Variants in NPAS3 observed in about 807,000 individuals in gnomAD.
NPAS3 encodes the protein neuronal PAS domain protein 3.
A neutral mutation model predicts 73.1 loss-of-function variants in NPAS3; 14 were observed. The ratio of observed to expected loss-of-function variants is 0.19; its 90% CI spans 0.13 to 0.30. The LOEUF is 0.30. Among genes scored for constraint, NPAS3 ranks in the 10% least tolerant of loss-of-function variants. The pLI is 1.00. For missense variants in NPAS3, 1,096 were observed against 1,250.0 expected (o/e 0.88, Z 1.86); for synonymous variants, 620 against 541.5 (o/e 1.14, Z -2.01).
Position 33,414,783 on chromosome 14 carries a change from A to G in NPAS3, c.468+47515A>G, listed in dbSNP as rs541717356. Among the ~76,000 whole-genome samples, 178 of 152,252 alleles carry G rather than the reference A, an allele frequency of 1.2e-3. 1 individual carries two copies. The highest frequency in any genetic ancestry group is 2.1e-3 in the Non-Finnish European group (142 of 68,014). ...GGGGTTAGATCGCCTAGTGGTGGGT[A>G]GGGTGGTTTGATTCTGTCACCGTCC... On this transcript the variant is annotated intron_variant, in intron 4 of 11. Transcript: ENST00000356141.
At chr14:33,713,548 ATC>A (rs2060879533) in intron 6 of NPAS3, among the ~76,000 whole-genome samples, 2 of 152,234 alleles carry the variant, frequency 1.3e-5, no homozygotes, top group Admixed American at 6.5e-5. Context: ...GATGCTTGAC[ATC>A]TCTCTTCCTC....
At chr14:33,752,690 C>G (rs1272798366) in intron 7 of NPAS3, among the ~76,000 whole-genome samples, 1 of 152,184 alleles carries the variant, frequency 6.6e-6, no homozygotes, top group African/African-American at 2.4e-5. Flanking sequence ...ACTGGAGCAA[C>G]CGCAGTCTAA....
chr14:32,960,340 A>G (rs2036858163), intron 1 of NPAS3, among the ~76,000 whole-genome samples: 1 of 152,296 alleles, frequency 6.6e-6, no homozygotes, highest in South Asian at 2.1e-4. Context: ...GTATCCTTGA[A>G]CATTTCTTGG....
intron 3 of NPAS3, among the ~76,000 whole-genome samples, chr14:33,267,816 T>C (rs911603971): frequency 6.6e-6 from 1 of 152,180 alleles, no homozygotes; most frequent in Non-Finnish European, 1.5e-5. Flanking sequence ...GAGCCCAGCA[T>C]TGGGCATGCA....
chr14:33,199,267 G>A (rs886147826), intron 2 of NPAS3, among the ~76,000 whole-genome samples: 28 of 152,222 alleles, frequency 1.8e-4, no homozygotes, highest in African/African-American at 6.0e-4. Flanking sequence ...GAGAGCAAGC[G>A]AGGGCCTCCA....
intron 1 of NPAS3, among the ~76,000 whole-genome samples, chr14:32,977,053 C>CAT (rs2037707554): frequency 6.6e-6 from 1 of 151,708 alleles, no homozygotes; most frequent in Admixed American, 6.6e-5. Context: ...AGGTAACACA[C>CAT]ACACACACAC....
intron 1 of NPAS3, among the ~76,000 whole-genome samples, chr14:32,969,090 G>A (rs2037313327): frequency 1.3e-5 from 2 of 152,234 alleles, no homozygotes; most frequent in South Asian, 4.1e-4. Flanking sequence ...TTCTAAAATG[G>A]CTCAACACAT....
chr14:33,349,159 T>C (rs953652351), intron 3 of NPAS3, among the ~76,000 whole-genome samples: 2 of 152,264 alleles, frequency 1.3e-5, no homozygotes, highest in African/African-American at 4.8e-5. Flanking sequence ...ACCATGTCTA[T>C]AATGTCATAA....
At chr14:33,518,282 G>A (rs1362656478) in intron 4 of NPAS3, among the ~76,000 whole-genome samples, 2 of 151,806 alleles carry the variant, frequency 1.3e-5, no homozygotes, top group Non-Finnish European at 2.9e-5. Flanking sequence ...TAGAGGAGAG[G>A]TAACTCATGG....
intron 2 of NPAS3, among the ~76,000 whole-genome samples, chr14:33,123,258 T>C (rs75267056): frequency 0.013 from 2,049 of 152,048 alleles, 44 homozygotes; most frequent in African/African-American, 0.047. Context: ...GGGGTGTAAA[T>C]TGGAGTTATG....
At chr14:32,967,847 G>A (rs2037248016) in intron 1 of NPAS3, among the ~76,000 whole-genome samples, 1 of 152,030 alleles carries the variant, frequency 6.6e-6, no homozygotes, top group Admixed American at 6.6e-5. Flanking sequence ...TATATCAAAA[G>A]TAAATGAAAT....
intron 2 of NPAS3, among the ~76,000 whole-genome samples, chr14:33,061,006 G>T (rs567133012): frequency 6.6e-6 from 1 of 152,314 alleles, no homozygotes; most frequent in Admixed American, 6.5e-5. Context: ...AAAGAGGGAA[G>T]GAATTAACAA....
chr14:33,446,264 T>C (rs2049496058), intron 4 of NPAS3, among the ~76,000 whole-genome samples: 1 of 147,986 alleles, frequency 6.8e-6, no homozygotes, highest in Non-Finnish European at 1.5e-5. Flanking sequence ...CAAGCTCCGC[T>C]TCCCGGGTTC....
At chr14:33,562,475 G>A (rs917797745) in intron 5 of NPAS3, among the ~76,000 whole-genome samples, 2 of 152,202 alleles carry the variant, frequency 1.3e-5, no homozygotes, top group African/African-American at 2.4e-5. Flanking sequence ...TAGAGGCTAT[G>A]AGATAGGAGA....
At chr14:33,218,304 T>G (rs542285498) in intron 3 of NPAS3, among the ~76,000 whole-genome samples, 1 of 152,206 alleles carries the variant, frequency 6.6e-6, no homozygotes, top group African/African-American at 2.4e-5. Context: ...AGTGACTCCC[T>G]ACTGTCTACC....
chr14:33,452,238 T>C (rs2049825790), intron 4 of NPAS3, among the ~76,000 whole-genome samples: 1 of 152,182 alleles, frequency 6.6e-6, no homozygotes, highest in Non-Finnish European at 1.5e-5. Flanking sequence ...GGCTGGGCAT[T>C]GTTAAAGGAG....
intron 3 of NPAS3, among the ~76,000 whole-genome samples, chr14:33,281,187 T>C (rs1210954797): frequency 6.6e-6 from 1 of 152,176 alleles, no homozygotes; most frequent in African/African-American, 2.4e-5. Flanking sequence ...CAAGGAAAGA[T>C]AGCAAACAAA....
intron 4 of NPAS3, among the ~76,000 whole-genome samples, chr14:33,384,159 A>G (rs1003455428): frequency 4.4e-5 from 6 of 137,166 alleles, no homozygotes; most frequent in African/African-American, 1.8e-4. Flanking sequence ...AAAAGAAGCA[A>G]TCAGCTTCAT....
At chr14:33,035,384 G>T (rs2040131529) in intron 1 of NPAS3, among the ~76,000 whole-genome samples, 1 of 152,028 alleles carries the variant, frequency 6.6e-6, no homozygotes, top group African/African-American at 2.4e-5. Context: ...AACAGTTGCT[G>T]GTGTTTTTTG....
Sources: allele counts gnomAD v4.1 joint callset (sites outside exome capture counted in the v4.1 genomes callset), GRCh38; gene constraint gnomAD v4.1.1; transcripts MANE v1.5; gene names NCBI Gene and HGNC (gene_info 2026-07-23, HGNC 2026-07-21).